The following FHDC1 variants were observed in gnomAD, a reference collection of about 807,000 sequenced individuals.
FHDC1 encodes the protein FH2 domain-containing protein 1.
FHDC1 carries 25 observed loss-of-function variants against 52.6 expected under a neutral mutation model. That is an observed-to-expected ratio of 0.48 (90% CI 0.35 to 0.66). The LOEUF (loss-of-function observed/expected upper bound fraction) is 0.66. Among genes scored for constraint, FHDC1 ranks in the 30% least tolerant of loss-of-function variants. The pLI, the probability that FHDC1 is intolerant of heterozygous loss-of-function variation, is 0.01. For synonymous variants in FHDC1, 616 were observed against 581.5 expected (o/e 1.06, Z -0.85); for missense variants, 1,459 against 1,452.8 (o/e 1.00, Z -0.07).
Position 152,975,139 on chromosome 4 carries a change from A to C in FHDC1, c.1848A>C (p.Ser616=), listed in dbSNP as rs748141228. Residue 616 remains serine (S), a synonymous_variant, in exon 12 of 12, where the codon TCA becomes TCC. Coordinates refer to ENST00000511601, the MANE Select transcript of FHDC1 (RefSeq NM_001371116.1). ...AGGAGGAGGCCCCCAACCCACCCTC[A>C]GCACAGGCGCACCAGCTTGCAGCCG... ...GGQEEAPNPP[S]AQAHQLAAAQ... is the part of the protein sequence containing the mutation. 1.9e-6 allele frequency: 3 copies of C among 1,612,932 alleles called. No individual in the cohort carries two copies. In the East Asian group the frequency reaches 6.7e-5, roughly 36 times the overall value.
chr4:152,931,929 C>A (rs1405383576), upstream of FHDC1, among the ~76,000 whole-genome samples: 1 of 118,002 alleles, frequency 8.5e-6, no homozygotes, highest in Non-Finnish European at 1.6e-5. Flanking sequence ...GGAGCGAGAA[C>A]CTGTCTAAAA....
At chr4:152,916,651 A>G in the FHDC1 span, among the ~76,000 whole-genome samples, 1 of 152,016 alleles carries the variant, frequency 6.6e-6, no homozygotes, top group African/African-American at 2.4e-5. Context: ...CAGGGTTGCA[A>G]TCAGAGGCTT....
At chr4:152,965,212 A>G (rs1344902406) in intron 9 of FHDC1, among the ~76,000 whole-genome samples, 2 of 152,230 alleles carry the variant, frequency 1.3e-5, no homozygotes, top group Non-Finnish European at 2.9e-5. Flanking sequence ...AATGAATATC[A>G]TCAGTATAAA....
chr4:152,968,023 G>A lies in FHDC1; in HGVS notation c.1144G>A (p.Val382Ile), dbSNP rs1561212820. 1 of 1,613,840 alleles carries A rather than the reference G, an allele frequency of 6.2e-7. No individual in the cohort carries two copies. Among genetic ancestry groups the A allele is most frequent in the Non-Finnish European group, 8.5e-7 (1 of 1,179,906 alleles). Reference sequence around the variant, plus strand: ...GGAGGCAGAACTGCACTTGCTGTTTGTCAGGACAAAATCACTAAAAGAAAA... The same window carrying A: ...GGAGGCAGAACTGCACTTGCTGTTTATCAGGACAAAATCACTAAAAGAAAA... ...NTEAELHLLF[V>I]RTKSLKENIQ... Residue 382 changes from valine (V) to isoleucine (I), a missense_variant, in exon 10 of 12, where the codon GTC (valine) becomes ATC (isoleucine). Val to Ile is a conservative substitution (Grantham distance 29). This residue lies in a region of FHDC1 where 513 missense variants were observed against 581.5 expected (regional missense o/e 0.88). Transcript: ENST00000511601.
intron 1 of FHDC1, among the ~76,000 whole-genome samples, chr4:152,936,870 G>C (rs1403552878): frequency 6.6e-6 from 1 of 152,278 alleles, no homozygotes; most frequent in Non-Finnish European, 1.5e-5. Flanking sequence ...CGCCGCGCTC[G>C]GTTCCCTAGC....
At chr4:152,972,744 CA>C (rs904366305) in intron 11 of FHDC1, among the ~76,000 whole-genome samples, 1 of 152,214 alleles carries the variant, frequency 6.6e-6, no homozygotes, top group Non-Finnish European at 1.5e-5. Flanking sequence ...TGCATAGCAT[CA>C]GGGGGAGGCA....
chr4:152,951,997 G>C (rs756833497), intron 2 of FHDC1, among the ~76,000 whole-genome samples: 3 of 152,094 alleles, frequency 2.0e-5, no homozygotes, highest in Admixed American at 1.3e-4. Context: ...GTATTGTAAG[G>C]CACATCCTGA....
the FHDC1 span, among the ~76,000 whole-genome samples, chr4:152,914,443 T>A: frequency 2.6e-5 from 4 of 152,178 alleles, no homozygotes; most frequent in Admixed American, 6.5e-5. Flanking sequence ...AAAAGGAGAC[T>A]AGAAATATGA....
intron 1 of FHDC1, among the ~76,000 whole-genome samples, chr4:152,941,067 C>T (rs2149935723): frequency 6.6e-6 from 1 of 152,164 alleles, no homozygotes; most frequent in East Asian, 1.9e-4. Flanking sequence ...TACTTAATGC[C>T]ACTAAATTGC....
In FHDC1 at chr4:152,979,600, G is replaced by C. The variant is rs1248467398; in HGVS notation, c.*2877G>C. Reference sequence around the variant, plus strand: ...TATGTAAATTTGTTTAAAATAAACTGAATGTATTTAATGGTCCATTTATAT... The same window carrying C: ...TATGTAAATTTGTTTAAAATAAACTCAATGTATTTAATGGTCCATTTATAT... On this transcript the variant is annotated 3_prime_UTR_variant, in exon 12 of 12. Coordinates refer to ENST00000511601, the MANE Select transcript of FHDC1 (RefSeq NM_001371116.1). 5 of 152,204 alleles carry C rather than the reference G, an allele frequency of 3.3e-5. No homozygotes were observed. Among genetic ancestry groups the C allele is most frequent in the African/African-American group, 1.2e-4 (5 of 41,454 alleles). 9.4% of individuals were successfully genotyped at this position (152,204 alleles called of 1,614,324 possible).
chr4:152,946,829 T>G (rs1739747684), intron 2 of FHDC1, among the ~76,000 whole-genome samples: 1 of 152,204 alleles, frequency 6.6e-6, no homozygotes, highest in Non-Finnish European at 1.5e-5. Flanking sequence ...ACTAATAAGT[T>G]CCATTGTACT....
chr4:152,953,926 C>T (rs952967899), intron 3 of FHDC1, among the ~76,000 whole-genome samples: 3 of 152,134 alleles, frequency 2.0e-5, no homozygotes, highest in Admixed American at 6.6e-5. Flanking sequence ...TCAGTGAGAC[C>T]AAAGAGGATT....
At position 152,960,759 on chromosome 4, in the gene FHDC1, T is replaced by C. The variant is rs1283204763; in HGVS notation, c.765T>C (p.Ile255=). ...LIQVPNYSLR[I]EAMVLKKEFL... ...TATTTTTCAGCTATTCACTTCGGAT[T>C]GAAGCCATGGTGCTAAAGAAGGAAT... Residue 255 remains isoleucine, a synonymous_variant, in exon 6 of 12, where the codon ATT becomes ATC. Transcript: ENST00000511601. 3 of 1,613,338 alleles carry C rather than the reference T, an allele frequency of 1.9e-6. No homozygotes were observed. Among genetic ancestry groups the C allele is most frequent in the Non-Finnish European group, 2.5e-6 (3 of 1,179,890 alleles).
chr4:152,960,536 T>C (rs745870340), intron 4 of FHDC1, 29 bp from the exon 5 acceptor site: 13 of 1,561,310 alleles, frequency 8.3e-6, no homozygotes, highest in Non-Finnish European at 1.1e-5. Context: ...AGTGATTTTA[T>C]ATACCCCCCC....
At chr4:152,912,804 CTG>C in the FHDC1 span, among the ~76,000 whole-genome samples, 1 of 152,114 alleles carries the variant, frequency 6.6e-6, no homozygotes, top group African/African-American at 2.4e-5. Context: ...AGGAACTGGT[CTG>C]TGAAATTAAA....
At chr4:152,973,866 G>A (rs1462651302) in intron 11 of FHDC1, among the ~76,000 whole-genome samples, 1 of 152,242 alleles carries the variant, frequency 6.6e-6, no homozygotes, top group Non-Finnish European at 1.5e-5. Context: ...AGCTTGCTCT[G>A]GTGCAGTTTC....
chr4:152,972,531 A>C lies in FHDC1; in HGVS notation c.1373A>C (p.Lys458Thr). The change falls in exon 11 of 12, where the codon AAA (lysine) becomes ACA (threonine). Residue 458 changes from lysine (K) to threonine (T), a missense_variant. This residue lies in a region of FHDC1 where 513 missense variants were observed against 581.5 expected (regional missense o/e 0.88). Transcript: ENST00000511601. The part of the protein sequence containing the change: ...IFRDFCTKFN[K>T]AVKDNHDREA... Reference sequence around the variant, plus strand: ...AGAGATTTCTGTACCAAATTCAACAAAGCAGTTAAGGTACATCTGGCAGCA... The same window carrying C: ...AGAGATTTCTGTACCAAATTCAACACAGCAGTTAAGGTACATCTGGCAGCA... 19 of 1,605,886 alleles carry C rather than the reference A, an allele frequency of 1.2e-5. No individual in the cohort carries two copies. The highest frequency in any genetic ancestry group is 1.5e-5 in the Non-Finnish European group (18 of 1,178,046).
At chr4:152,928,385 G>A in the FHDC1 span, among the ~76,000 whole-genome samples, 5 of 152,220 alleles carry the variant, frequency 3.3e-5, no homozygotes, top group South Asian at 8.3e-4. Context: ...GGCCTGAATC[G>A]TGTTTGGTTT....
At chr4:152,914,778 T>C in the FHDC1 span, among the ~76,000 whole-genome samples, 1 of 152,168 alleles carries the variant, frequency 6.6e-6, no homozygotes, top group African/African-American at 2.4e-5. Context: ...ACAGGTGAAA[T>C]GTACATCTAG....
Sources: allele counts gnomAD v4.1 joint callset (sites outside exome capture counted in the v4.1 genomes callset), GRCh38; gene constraint gnomAD v4.1.1; regional missense constraint gnomAD v4.1.1; transcripts MANE v1.5; gene names NCBI Gene and HGNC (gene_info 2026-07-23, HGNC 2026-07-21).